Variants in KATNBL1 observed in about 807,000 individuals in gnomAD.
The protein encoded by KATNBL1 is katanin regulatory subunit B1 like 1.
In KATNBL1, 28 loss-of-function variants were observed where a neutral mutation model predicts 44.7. The ratio of observed to expected loss-of-function variants is 0.63; its 90% CI spans 0.46 to 0.86. KATNBL1 has a LOEUF of 0.86. KATNBL1 is among the 40% of genes least tolerant of loss of function. The pLI is 0.00. For synonymous variants in KATNBL1, 78 were observed against 114.9 expected, an observed-to-expected ratio of 0.68 and a Z score of 2.06; for missense variants, 272 against 350.7, an observed-to-expected ratio of 0.78 and a Z score of 1.79.
At chr15:34,192,086 T>G (rs1889890181) in intron 1 of KATNBL1, among the ~76,000 whole-genome samples, 1 of 151,990 alleles carries the variant, frequency 6.6e-6, no homozygotes, top group Admixed American at 6.6e-5. Context: ...AAGTTTATTA[T>G]ACTATCCTCT....
chr15:34,190,685 T>C (rs959762213), intron 1 of KATNBL1, among the ~76,000 whole-genome samples: 4 of 152,118 alleles, frequency 2.6e-5, no homozygotes, highest in Non-Finnish European at 2.9e-5. Flanking sequence ...AAGACACTAA[T>C]CAATTTTAGC....
At chr15:34,174,647 A>G (rs1420044707) in intron 1 of KATNBL1, among the ~76,000 whole-genome samples, 3 of 152,146 alleles carry the variant, frequency 2.0e-5, no homozygotes, top group Admixed American at 6.5e-5. Flanking sequence ...GGGGGAAAAA[A>G]GTATCATGCA....
chr15:34,151,027 T>G (rs555492832), intron 4 of KATNBL1, among the ~76,000 whole-genome samples: 4 of 152,352 alleles, frequency 2.6e-5, no homozygotes, highest in Admixed American at 2.6e-4. Context: ...GCATTTCGAT[T>G]GATTCCTTGT....
In KATNBL1 at chr15:34,199,274, T is replaced by A. The variant is rs561620510; in HGVS notation, c.-15+10677A>T. Among the ~76,000 whole-genome samples the A allele has an allele frequency of 3.3e-5, 5 of 152,176 alleles. No homozygotes were observed. In the South Asian group the frequency reaches 1.0e-3, roughly 32 times the overall value. On this transcript the variant is annotated intron_variant, in intron 1 of 9. Transcript: ENST00000256544. The stretch of plus-strand genomic sequence containing the variant: ...CAACATGGCAAAACCCCGTCTCTAC[T>A]AAAAATACAAAAATTAGCCTGGTGT...
intron 9 of KATNBL1, chr15:34,143,032 CA>C: frequency 1.6e-6 from 2 of 1,252,454 alleles, no homozygotes; most frequent in Non-Finnish European, 2.1e-6. Flanking sequence ...TTTCTATACT[CA>C]AAAAATTACA....
In KATNBL1 at chr15:34,181,733, TAC is replaced by T. The variant is rs1491555195; in HGVS notation, c.-14-18045_-14-18044del. On this transcript the variant is annotated intron_variant, in intron 1 of 9. Coordinates refer to ENST00000256544, the MANE Select transcript of KATNBL1 (RefSeq NM_024713.3). ...ATATGGACATATATATGTCCATATA[TAC>T]ACATATATATGTCCATATATATATC... 8.2e-4 allele frequency among the ~76,000 whole-genome samples: 79 copies of T among 96,538 alleles called. 2 individuals carry two copies. Among genetic ancestry groups the T allele is most frequent in the South Asian group, 2.9e-3 (8 of 2,758 alleles). The allele number at this position is 96,538 out of a possible 152,430, so 63.3% of individuals were successfully genotyped here.
chr15:34,151,608 C>T (rs1230920829), intron 4 of KATNBL1, among the ~76,000 whole-genome samples: 1 of 151,560 alleles, frequency 6.6e-6, no homozygotes, highest in East Asian at 2.0e-4. Flanking sequence ...TGCACCACCA[C>T]GCCTGGGTAA....
chr15:34,154,880 C>A, intron 2 of KATNBL1, 196 bp from the exon 3 acceptor site: 1 of 582,448 alleles, frequency 1.7e-6, no homozygotes, highest in Non-Finnish European at 3.1e-6. Context: ...CAGCTAGTCC[C>A]TACTACTGTG....
chr15:34,148,491 G>A (rs1378598271), intron 5 of KATNBL1, 141 bp downstream of exon 5: 1 of 558,598 alleles, frequency 1.8e-6, no homozygotes, highest in African/African-American at 1.9e-5. Context: ...AGGAGGCTGA[G>A]GTGGGAGGGC....
At chr15:34,180,147 G>A (rs1381114133) in intron 1 of KATNBL1, among the ~76,000 whole-genome samples, 1 of 151,706 alleles carries the variant, frequency 6.6e-6, no homozygotes, top group East Asian at 1.9e-4. Context: ...TCAGATTTCC[G>A]TGATCAACTC....
intron 4 of KATNBL1, among the ~76,000 whole-genome samples, chr15:34,150,352 C>G (rs547692755): frequency 6.6e-6 from 1 of 152,242 alleles, no homozygotes; most frequent in East Asian, 1.9e-4. Context: ...GCACTTTGGG[C>G]TGGGGCTGAG....
intron 1 of KATNBL1, among the ~76,000 whole-genome samples, chr15:34,176,637 C>T (rs1358443431): frequency 6.6e-6 from 1 of 152,040 alleles, no homozygotes; most frequent in East Asian, 1.9e-4. Flanking sequence ...TTGACAACTG[C>T]ACAATTCTGT....
At chr15:34,153,166 T>C in intron 3 of KATNBL1, 97 bp from the exon 4 acceptor site, 1 of 717,290 alleles carries the variant, frequency 1.4e-6, no homozygotes, top group Non-Finnish European at 2.2e-6. Context: ...TTGGTGATTG[T>C]AATCCACTAA....
chr15:34,190,889 A>G (rs1294074557), intron 1 of KATNBL1, among the ~76,000 whole-genome samples: 1 of 152,142 alleles, frequency 6.6e-6, no homozygotes, highest in African/African-American at 2.4e-5. Context: ...GACCATGAGG[A>G]TGCAATTAGA....
At chr15:34,146,926 C>A in intron 7 of KATNBL1, 76 bp from the exon 8 acceptor site, 1 of 922,316 alleles carries the variant, frequency 1.1e-6, no homozygotes, top group Non-Finnish European at 1.8e-6. Flanking sequence ...TACTTTCCCT[C>A]CCAAAAAACA....
chr15:34,165,473 G>A (rs1888937209), intron 1 of KATNBL1, among the ~76,000 whole-genome samples: 1 of 152,166 alleles, frequency 6.6e-6, no homozygotes, highest in African/African-American at 2.4e-5. Flanking sequence ...TCAGGTGATG[G>A]CAATAACATT....
intron 1 of KATNBL1, among the ~76,000 whole-genome samples, chr15:34,175,846 G>A (rs959344979): frequency 6.6e-6 from 1 of 151,680 alleles, no homozygotes. Flanking sequence ...GCCTGGGTGA[G>A]AAAATGGCAG....
intron 4 of KATNBL1, among the ~76,000 whole-genome samples, chr15:34,149,169 T>C (rs1233880606): frequency 6.6e-6 from 1 of 152,186 alleles, no homozygotes; most frequent in African/African-American, 2.4e-5. Flanking sequence ...GAAGTGTCAT[T>C]TTCCTGTTCT....
intron 1 of KATNBL1, among the ~76,000 whole-genome samples, chr15:34,183,447 G>A (rs1003678882): frequency 1.3e-5 from 2 of 152,172 alleles, no homozygotes; most frequent in Admixed American, 1.3e-4. Context: ...TTAAAGGCTG[G>A]TGCAGCTAAA....
Sources: gnomAD v4.1 joint callset for allele counts (sites outside exome capture counted in the v4.1 genomes callset) on GRCh38, gnomAD v4.1.1 for gene constraint, MANE v1.5 for transcripts, NCBI Gene and HGNC (gene_info 2026-07-23, HGNC 2026-07-21) for gene names.